IKBKB: variants seen among roughly 807,000 people sequenced by gnomAD.
IKBKB encodes the protein inhibitor of nuclear factor kappa B kinase subunit beta.
IKBKB carries 42 observed loss-of-function variants against 113.6 expected under a neutral mutation model. The observed-to-expected ratio is 0.37, with a 90% confidence interval of 0.29 to 0.48. The LOEUF is 0.48. Among genes scored for constraint, IKBKB ranks in the 20% least tolerant of loss-of-function variants. The pLI is 0.99. For synonymous variants in IKBKB, 296 were observed against 361.3 expected (o/e 0.82, Z 2.05); for missense variants, 673 against 939.7 (o/e 0.72, Z 3.71).
At chr8:42,277,626 A>C (rs182241403) in intron 2 of IKBKB, among the ~76,000 whole-genome samples, 2 of 152,158 alleles carry the variant, frequency 1.3e-5, no homozygotes, top group Non-Finnish European at 2.9e-5. Context: ...CTTGCCGGAC[A>C]GGCCTCCCCC....
chr8:42,319,467 CT>C, intron 14 of IKBKB, 46 bp downstream of exon 14: 2 of 1,605,500 alleles, frequency 1.2e-6, no homozygotes, highest in South Asian at 1.1e-5. Context: ...ATTTTTTTTT[CT>C]TTTTCTCTTT....
chr8:42,293,607 C>A (rs1489438947), intron 5 of IKBKB, 95 bp downstream of exon 5: 1 of 1,603,052 alleles, frequency 6.2e-7, no homozygotes, highest in South Asian at 1.1e-5. Flanking sequence ...ACACTTCAAT[C>A]CTTTGGTCTC....
rs545251979 is a variant in IKBKB, at chr8:42,272,446, C to G, written c.105+241C>G. 843 of 600,924 alleles carry G rather than the reference C, an allele frequency of 1.4e-3. 4 individuals carry two copies. The African/African-American group carries it at 0.014, about 10-fold the overall frequency. The allele number at this position is 600,924 out of a possible 1,614,324, so 37.2% of individuals were successfully genotyped here. A position where few individuals can be genotyped will look rare whatever the true frequency, so the allele number is the denominator to read the frequency against. ...TAAAATAAAGTTAAGCTCTTAGTCTCTATTATATATATATGGTAACAGTAG... is the reference window on the plus strand; with the variant it reads ...TAAAATAAAGTTAAGCTCTTAGTCTGTATTATATATATATGGTAACAGTAG... On this transcript the variant is annotated intron_variant, in intron 2 of 21. Transcript: ENST00000520810.
At chr8:42,297,860 A>G (rs929817625) in intron 5 of IKBKB, among the ~76,000 whole-genome samples, 2 of 151,954 alleles carry the variant, frequency 1.3e-5, no homozygotes, top group African/African-American at 4.8e-5. Context: ...GCGCCATTGC[A>G]CTCCAGCCTG....
chr8:42,285,426 A>T (rs1811225589), intron 2 of IKBKB, among the ~76,000 whole-genome samples: 1 of 152,158 alleles, frequency 6.6e-6, no homozygotes, highest in Admixed American at 6.5e-5. Flanking sequence ...ACACAATGAC[A>T]CATGCTTGTA....
intron 11 of IKBKB, chr8:42,317,209 TA>T (rs35978252): frequency 0.052 from 15,085 of 291,426 alleles, no homozygotes; most frequent in South Asian, 0.08. Context: ...CCAAGTGTAC[TA>T]AAAAAAAAAA....
At chr8:42,300,434 A>C (rs1814940056) in intron 5 of IKBKB, among the ~76,000 whole-genome samples, 1 of 152,214 alleles carries the variant, frequency 6.6e-6, no homozygotes. Context: ...AGCTCAAACA[A>C]AAATGTTCTG....
At chr8:42,290,820 A>G (rs1345236278) in intron 4 of IKBKB, among the ~76,000 whole-genome samples, 2 of 152,090 alleles carry the variant, frequency 1.3e-5, no homozygotes, top group African/African-American at 4.8e-5. Context: ...GTGGGGCTCT[A>G]TTCTCCACCT....
chr8:42,329,517 T>C (rs1455321788), intron 21 of IKBKB: 1 of 878,392 alleles, frequency 1.1e-6, no homozygotes, highest in Non-Finnish European at 1.4e-6. Flanking sequence ...TATAATTTTC[T>C]AGTACACATT....
chr8:42,287,049 G>A (rs1460382369), intron 2 of IKBKB, among the ~76,000 whole-genome samples: 4 of 152,208 alleles, frequency 2.6e-5, no homozygotes, highest in Non-Finnish European at 4.4e-5. Flanking sequence ...CTGCTGCCCC[G>A]CAGTTGTCTT....
chr8:42,326,801 A>G (rs560313826), intron 20 of IKBKB, among the ~76,000 whole-genome samples: 13 of 152,294 alleles, frequency 8.5e-5, no homozygotes, highest in East Asian at 3.9e-4. Flanking sequence ...TGTGTCTAGC[A>G]GCCCTCCGCC....
At chr8:42,310,698 AATCAACTGTC>A (rs1817542199) in intron 8 of IKBKB, among the ~76,000 whole-genome samples, 1 of 152,244 alleles carries the variant, frequency 6.6e-6, no homozygotes, top group Non-Finnish European at 1.5e-5. Context: ...AAAAAGCAGG[AATCAACTGTC>A]ATCCCATAAT....
At chr8:42,317,209 T>A (rs1376281089) in intron 11 of IKBKB, 128 of 296,598 alleles carry the variant, frequency 4.3e-4, no homozygotes, top group Middle Eastern at 2.5e-3. Context: ...CCAAGTGTAC[T>A]AAAAAAAAAA....
Position 42,330,982 on chromosome 8 carries a change from T to TG in IKBKB, c.*9dup, listed in dbSNP as rs767853683. On this transcript the variant is annotated 3_prime_UTR_variant, in exon 22 of 22. Coordinates refer to ENST00000520810, the MANE Select transcript of IKBKB (RefSeq NM_001556.3). ...GCTGCCTGGAGCAGGCCTCATGATG[T>TG]GGGGGGACTCGACCCCCTGACATGG... The TG allele has an allele frequency of 1.2e-6, 2 of 1,613,756 alleles. No homozygotes were observed. Among genetic ancestry groups the TG allele is most frequent in the Non-Finnish European group, 1.7e-6 (2 of 1,179,916 alleles).
Position 42,322,131 on chromosome 8 carries a change from C to T in IKBKB, c.1816C>T (p.Arg606Ter), listed in dbSNP as rs768351634. 2.5e-6 allele frequency: 4 copies of T among 1,613,580 alleles called. No individual in the cohort carries two copies. Among genetic ancestry groups the T allele is most frequent in the Non-Finnish European group, 1.7e-6 (2 of 1,179,772 alleles). The change falls in exon 18 of 22, where the codon CGA (arginine) becomes TGA (stop). Residue 606 changes from arginine to a stop codon, truncating the protein, a stop_gained. Coordinates refer to ENST00000520810, the MANE Select transcript of IKBKB (RefSeq NM_001556.3). LOFTEE classifies it high-confidence loss of function. ...QAIQSFEKKV[R>*]VIYTQLSKTV... ...AATTCAGAGCTTCGAGAAGAAAGTG[C>T]GAGTGATCTATACGCAGCTCAGGTA...
intron 20 of IKBKB, among the ~76,000 whole-genome samples, chr8:42,328,587 C>T (rs760283533): frequency 1.3e-5 from 2 of 152,108 alleles, no homozygotes; most frequent in South Asian, 2.1e-4. Context: ...TAGAAAAAGA[C>T]GGATGTTTTA....
intron 5 of IKBKB, among the ~76,000 whole-genome samples, chr8:42,301,840 T>C (rs1426062222): frequency 6.6e-6 from 1 of 152,106 alleles, no homozygotes; most frequent in South Asian, 2.1e-4. Flanking sequence ...CACTGGGGGG[T>C]TCTGGGGACA....
At chr8:42,303,092 T>TGA (rs763171765) in intron 5 of IKBKB, among the ~76,000 whole-genome samples, 3,179 of 70,100 alleles carry the variant, frequency 0.045, 100 homozygotes, top group African/African-American at 0.098. Context: ...AGAGAGAGAA[T>TGA]GAGAGAGAGA....
chr8:42,304,512 A>G (rs1816103610), intron 5 of IKBKB, among the ~76,000 whole-genome samples: 1 of 152,056 alleles, frequency 6.6e-6, no homozygotes, highest in South Asian at 2.1e-4. Flanking sequence ...TGAGCTCTTT[A>G]AAGTTGGGGA....
Sources: gnomAD v4.1 joint callset for allele counts (sites outside exome capture counted in the v4.1 genomes callset) on GRCh38, gnomAD v4.1.1 for gene constraint, MANE v1.5 for transcripts, NCBI Gene and HGNC (gene_info 2026-07-23, HGNC 2026-07-21) for gene names.